CDS2: variants seen among roughly 807,000 people sequenced by gnomAD.
CDS2 encodes CDP-diacylglycerol synthase 2.
Under a neutral mutation model 59.0 loss-of-function variants are expected in CDS2, and 47 were observed. That is an observed-to-expected ratio of 0.80 (90% CI 0.63 to 1.02). The LOEUF (loss-of-function observed/expected upper bound fraction) is 1.02. Among genes scored for constraint, CDS2 ranks in the 50% least tolerant of loss-of-function variants. The pLI is 0.00. For synonymous variants in CDS2, 207 were observed against 206.4 expected (o/e 1.00, Z -0.02); for missense variants, 356 against 558.9 (o/e 0.64, Z 3.66).
At position 5,186,678 on chromosome 20, in the gene CDS2, C is replaced by T. The variant is rs755126212; in HGVS notation, c.829-9C>T. ...CTTCCTTGCCGGTCTCTCTGTTATT[C>T]CTCCTCAGCTGTCCTATGTGATGTC... On this transcript the variant is annotated splice_polypyrimidine_tract_variant and intron_variant, in intron 9 of 12. Transcript: ENST00000460006. The T allele has an allele frequency of 9.9e-6, 16 of 1,613,544 alleles. No individual in the cohort carries two copies. The highest frequency in any genetic ancestry group is 1.3e-5 in the Non-Finnish European group (15 of 1,179,656).
intron 1 of CDS2, among the ~76,000 whole-genome samples, chr20:5,155,465 TGTA>T (rs2090826116): frequency 6.6e-6 from 1 of 152,212 alleles, no homozygotes; most frequent in Non-Finnish European, 1.5e-5. Context: ...GCCCTCTTAC[TGTA>T]AATATAACTC....
intron 1 of CDS2, among the ~76,000 whole-genome samples, chr20:5,143,421 A>T (rs1477320314): frequency 2.0e-5 from 3 of 152,188 alleles, no homozygotes; most frequent in African/African-American, 7.2e-5. Context: ...GTGACCAAGC[A>T]GTTCCACTCT....
chr20:5,139,675 A>G (rs2090677630), intron 1 of CDS2, among the ~76,000 whole-genome samples: 1 of 152,020 alleles, frequency 6.6e-6, no homozygotes, highest in South Asian at 2.1e-4. Flanking sequence ...ATTCAGTATG[A>G]TGTTAGCCTT....
chr20:5,149,782 C>G (rs1460500871), intron 1 of CDS2, among the ~76,000 whole-genome samples: 1 of 151,962 alleles, frequency 6.6e-6, no homozygotes, highest in East Asian at 1.9e-4. Context: ...GTGGCGTGAT[C>G]TTGACTCACT....
At chr20:5,173,469 A>G (rs2090971201) in intron 1 of CDS2, 54 bp from the exon 2 acceptor site, 2 of 1,603,242 alleles carry the variant, frequency 1.2e-6, no homozygotes, top group Non-Finnish European at 1.7e-6. Context: ...TAGACTTCTC[A>G]ATGGTCTACT....
At chr20:5,175,439 T>A in intron 3 of CDS2, 160 bp downstream of exon 3, 1 of 602,600 alleles carries the variant, frequency 1.7e-6, no homozygotes, top group Non-Finnish European at 3.0e-6. Context: ...CACTTCTCAG[T>A]AGCCACCTGG....
At position 5,196,754 on chromosome 20, in the gene CDS2, C is replaced by G. The variant is rs2091160306; in HGVS notation, c.*6520C>G. On this transcript the variant is annotated 3_prime_UTR_variant, in exon 13 of 13. Transcript: ENST00000460006. ...TTTTAAATCCTCTGTGCACAGGGCT[C>G]TGGCCTTTAGTAAACTGTTTTTCTG... is the stretch of plus-strand genomic sequence containing the variant. 6.6e-6 allele frequency: 1 copy of G among 152,324 alleles called. No homozygotes were observed. The highest frequency in any genetic ancestry group is 2.1e-4 in the South Asian group (1 of 4,832). 9.4% of individuals were successfully genotyped at this position (152,324 alleles called of 1,614,324 possible).
intron 1 of CDS2, among the ~76,000 whole-genome samples, chr20:5,152,751 ACG>A (rs2090802852): frequency 2.0e-5 from 3 of 152,262 alleles, no homozygotes; most frequent in African/African-American, 7.2e-5. Context: ...TCTCACACAC[ACG>A]CACACACACA....
intron 11 of CDS2, 132 bp from the exon 12 acceptor site, chr20:5,189,603 G>A: frequency 1.5e-6 from 1 of 682,444 alleles, no homozygotes; most frequent in Non-Finnish European, 2.6e-6. Context: ...CTCACCATTA[G>A]ATTTCATACT....
chr20:5,150,974 A>G (rs985633846), intron 1 of CDS2, among the ~76,000 whole-genome samples: 1 of 152,242 alleles, frequency 6.6e-6, no homozygotes, highest in Non-Finnish European at 1.5e-5. Flanking sequence ...GACTTGGTCA[A>G]GAACTCCTTG....
intron 1 of CDS2, among the ~76,000 whole-genome samples, chr20:5,127,673 G>A (rs1204951396): frequency 6.6e-6 from 1 of 152,168 alleles, no homozygotes; most frequent in African/African-American, 2.4e-5. Flanking sequence ...GTGTTACCCA[G>A]TGAGCCAGTC....
intron 1 of CDS2, among the ~76,000 whole-genome samples, chr20:5,155,270 C>T (rs1440769188): frequency 1.3e-5 from 2 of 152,012 alleles, no homozygotes; most frequent in African/African-American, 4.8e-5. Flanking sequence ...GTTGTCTTTC[C>T]CGCACAAATG....
At chr20:5,185,904 T>G (rs929773438) in intron 9 of CDS2, 78 bp downstream of exon 9, 70 of 1,372,208 alleles carry the variant, frequency 5.1e-5, no homozygotes, top group Middle Eastern at 2.0e-4. Flanking sequence ...TGTCCAGAGC[T>G]GGAGAGTGTC....
chr20:5,146,962 A>G (rs2090748666), intron 1 of CDS2, among the ~76,000 whole-genome samples: 1 of 152,192 alleles, frequency 6.6e-6, no homozygotes, highest in Non-Finnish European at 1.5e-5. Context: ...TACTTCAGTA[A>G]GGAGGAAGGA....
chr20:5,127,193 T>G, intron 1 of CDS2, 44 bp downstream of exon 1: 2 of 1,445,776 alleles, frequency 1.4e-6, no homozygotes, highest in Non-Finnish European at 9.2e-7. Context: ...CAGCGGCGCA[T>G]CCGGGAGGCC....
At chr20:5,185,614 A>G (rs1190522917) in intron 8 of CDS2, 144 bp from the exon 9 acceptor site, 9 of 661,134 alleles carry the variant, frequency 1.4e-5, no homozygotes, top group Non-Finnish European at 2.1e-5. Flanking sequence ...GGGAACAAGG[A>G]AACCATATTT....
chr20:5,160,431 T>C (rs916971465), intron 1 of CDS2, among the ~76,000 whole-genome samples: 1 of 152,142 alleles, frequency 6.6e-6, no homozygotes, highest in Non-Finnish European at 1.5e-5. Flanking sequence ...TGGGGAGCCT[T>C]AGCAGTTTTC....
chr20:5,182,887 C>G (rs1285646397), intron 6 of CDS2, among the ~76,000 whole-genome samples, 174 bp from the exon 7 acceptor site: 1 of 152,188 alleles, frequency 6.6e-6, no homozygotes, highest in Non-Finnish European at 1.5e-5. Flanking sequence ...CTGTGGGGGA[C>G]AAAGTATTAC....
intron 1 of CDS2, 134 bp downstream of exon 1, chr20:5,127,283 G>A (rs2090561499): frequency 5.1e-6 from 4 of 777,488 alleles, no homozygotes; most frequent in African/African-American, 1.8e-5. Flanking sequence ...CCCGGGTAGC[G>A]CGAAGGGCCC....
Sources: allele counts gnomAD v4.1 joint callset (sites outside exome capture counted in the v4.1 genomes callset), GRCh38; gene constraint gnomAD v4.1.1; transcripts MANE v1.5; gene names NCBI Gene and HGNC (gene_info 2026-07-23, HGNC 2026-07-21).